MTCL1: variants seen among roughly 807,000 people sequenced by gnomAD.
MTCL1 encodes the protein microtubule cross-linking factor 1.
In MTCL1, 79 loss-of-function variants were observed where a neutral mutation model predicts 141.4. The observed-to-expected ratio is 0.56, with a 90% CI of 0.47 to 0.67. MTCL1 has a LOEUF of 0.67. Among genes scored for constraint, MTCL1 ranks in the 30% least tolerant of loss-of-function variants. The pLI, the probability that MTCL1 is intolerant of heterozygous loss-of-function variation, is 0.00. For missense variants in MTCL1, 2,177 were observed against 2,113.9 expected (o/e 1.03, Z -0.59); for synonymous variants, 914 against 875.8 (o/e 1.04, Z -0.77).
At chr18:8,740,487 TTAAC>T (rs886557555) in intron 4 of MTCL1, among the ~76,000 whole-genome samples, 3 of 152,160 alleles carry the variant, frequency 2.0e-5, no homozygotes, top group African/African-American at 7.2e-5. Context: ...AGCTTATTAA[TTAAC>T]TAATTTTTTG....
chr18:8,749,934 A>C (rs1013675355), intron 4 of MTCL1, among the ~76,000 whole-genome samples: 1 of 152,250 alleles, frequency 6.6e-6, no homozygotes, highest in Non-Finnish European at 1.5e-5. Flanking sequence ...TTTACTACTA[A>C]GACTAACATA....
intron 4 of MTCL1, among the ~76,000 whole-genome samples, chr18:8,760,367 G>A (rs1417656355): frequency 1.3e-5 from 2 of 152,310 alleles, no homozygotes; most frequent in Admixed American, 6.5e-5. Context: ...ATTAGGATTC[G>A]GGATCTCAAA....
At chr18:8,772,015 A>T (rs1157919142) in intron 4 of MTCL1, among the ~76,000 whole-genome samples, 1 of 152,244 alleles carries the variant, frequency 6.6e-6, no homozygotes, top group Non-Finnish European at 1.5e-5. Flanking sequence ...GCACCCGTGG[A>T]CACTTCACCC....
At position 8,828,812 on chromosome 18, in the gene MTCL1, C is replaced by T. The variant is rs1440780995; in HGVS notation, c.4723-96C>T. On this transcript the variant is annotated intron_variant, in intron 15 of 16. Transcript: ENST00000359865. This position sits in a 1 kb window ranked among gnomAD's most constrained non-coding sequence, Gnocchi z 5.2. Reference sequence around the variant, plus strand: ...AGCGAGAGGGATGGTCCTCTACCTCCGGGCTTGCTGACTTTAAACCTTTAT... The same window carrying T: ...AGCGAGAGGGATGGTCCTCTACCTCTGGGCTTGCTGACTTTAAACCTTTAT... 19 of 1,584,500 alleles carry T rather than the reference C, an allele frequency of 1.2e-5. No homozygotes were observed. Among genetic ancestry groups the T allele is most frequent in the South Asian group, 9.1e-5 (8 of 87,998 alleles).
Position 8,831,116 on chromosome 18 carries a change from C to T in MTCL1, c.*19-491C>T, listed in dbSNP as rs148686641. The T allele has an allele frequency of 9.3e-5, 92 of 987,220 alleles. No individual in the cohort carries two copies. In the East Asian group the frequency reaches 6.9e-3, roughly 74 times the overall value. The allele number at this position is 987,220 out of a possible 1,614,324, so 61.2% of individuals were successfully genotyped here. A position where few individuals can be genotyped will look rare whatever the true frequency, so the allele number is the denominator to read the frequency against. On this transcript the variant is annotated intron_variant, in intron 16 of 16. Transcript: ENST00000359865. ...AAACAGTAGCAGAGTTCGTTTAAGA[C>T]GACTGCCATTGCTAACACAGCTGAA... is the stretch of plus-strand genomic sequence containing the variant.
chr18:8,827,145 G>C (rs1598832528), intron 15 of MTCL1, among the ~76,000 whole-genome samples: 1 of 152,232 alleles, frequency 6.6e-6, no homozygotes, highest in South Asian at 2.1e-4. Flanking sequence ...CACTCTCCGA[G>C]CCAGGCTGCT....
At chr18:8,706,161 G>T in exon 1 of MTCL1, 2 of 1,221,352 alleles carry the variant, frequency 1.6e-6, no homozygotes, top group East Asian at 3.3e-5. Flanking sequence ...GCGGCTCCCG[G>T]GCGCCACCCG....
In MTCL1 at chr18:8,779,098, G is replaced by A. The variant is rs1041582549; in HGVS notation, c.417+1206G>A. On this transcript the variant is annotated intron_variant, in intron 5 of 16. Transcript: ENST00000359865. This position sits in a 1 kb window ranked among gnomAD's most constrained non-coding sequence, Gnocchi z 4.1. ...CAACCAAAACCCAAAGGAAGCTGGC[G>A]CCCCGGCGCAAGGTAGGCACGTGGG... 2.6e-5 allele frequency among the ~76,000 whole-genome samples: 4 copies of A among 152,368 alleles called. No individual in the cohort carries two copies. Among genetic ancestry groups the A allele is most frequent in the South Asian group, 2.1e-4 (1 of 4,834 alleles).
At chr18:8,774,576 C>G (rs1350126944) in intron 4 of MTCL1, among the ~76,000 whole-genome samples, 1 of 152,188 alleles carries the variant, frequency 6.6e-6, no homozygotes, top group Non-Finnish European at 1.5e-5. Flanking sequence ...CAACCTCCAC[C>G]TCCCGGGTTC....
At chr18:8,809,024 G>A (rs1164120265) in intron 11 of MTCL1, among the ~76,000 whole-genome samples, 7 of 150,514 alleles carry the variant, frequency 4.7e-5, no homozygotes, top group African/African-American at 1.7e-4. Flanking sequence ...GGAGAGAAAG[G>A]AAGTTTCAGG....
At chr18:8,738,593 C>T (rs1323558951) in intron 4 of MTCL1, among the ~76,000 whole-genome samples, 1 of 152,182 alleles carries the variant, frequency 6.6e-6, no homozygotes, top group African/African-American at 2.4e-5. Context: ...ATTTCTTTTG[C>T]TTTCAGAATA....
intron 7 of MTCL1, chr18:8,789,735 A>G (rs1054002418): frequency 2.2e-5 from 22 of 984,610 alleles, no homozygotes; most frequent in Non-Finnish European, 2.7e-5. Context: ...AAGTGAACAA[A>G]AAAAGGGTTT....
intron 4 of MTCL1, among the ~76,000 whole-genome samples, chr18:8,765,708 G>T (rs920815718): frequency 6.6e-6 from 1 of 152,178 alleles, no homozygotes; most frequent in Non-Finnish European, 1.5e-5. Context: ...TGATTCTGTT[G>T]AATAATAAAA....
upstream of MTCL1, among the ~76,000 whole-genome samples, chr18:8,717,065 T>C (rs2096133213): frequency 1.3e-5 from 2 of 152,188 alleles, no homozygotes; most frequent in African/African-American, 4.8e-5. Flanking sequence ...TTTGTAAGTG[T>C]TCACTGGCGC....
intron 4 of MTCL1, among the ~76,000 whole-genome samples, chr18:8,760,437 G>A (rs1462995586): frequency 1.3e-5 from 2 of 152,194 alleles, no homozygotes; most frequent in Non-Finnish European, 2.9e-5. Flanking sequence ...GTTTGCTAAC[G>A]CCCCTGACAT....
At chr18:8,796,135 A>T (rs1329266113) in intron 8 of MTCL1, 97 bp from the exon 8 acceptor site, 1 of 1,193,302 alleles carries the variant, frequency 8.4e-7, no homozygotes, top group Non-Finnish European at 1.2e-6. Flanking sequence ...ATGCAGCATG[A>T]CAGAGACTGA....
chr18:8,783,707 C>A, exon 6 of MTCL1: 3 of 1,604,944 alleles, frequency 1.9e-6, no homozygotes, highest in Non-Finnish European at 2.6e-6. Flanking sequence ...AGCAGGCGGG[C>A]CCCCCAGCAC....
At chr18:8,733,955 A>T (rs564426815) in intron 4 of MTCL1, among the ~76,000 whole-genome samples, 85 of 152,122 alleles carry the variant, frequency 5.6e-4, no homozygotes, top group Non-Finnish European at 1.1e-3. Context: ...AGAGCCATAA[A>T]CATTATTTTG....
chr18:8,784,965 T>A, intron 6 of MTCL1, 122 bp downstream of exon 5: 1 of 814,028 alleles, frequency 1.2e-6, no homozygotes. Context: ...ACCTGCATTG[T>A]ACTAAAGCCT....
Sources: gnomAD v4.1 joint callset for allele counts (sites outside exome capture counted in the v4.1 genomes callset) on GRCh38, gnomAD v4.1.1 for gene constraint, Gnocchi (gnomAD v3.1) non-coding constraint, MANE v1.5 for transcripts, NCBI Gene and HGNC (gene_info 2026-07-23, HGNC 2026-07-21) for gene names.